Variants in ANK2 observed in about 807,000 individuals in gnomAD.
ANK2 encodes the protein ankyrin 2, also known as ankyrin-2.
Under a neutral mutation model 360.5 loss-of-function variants are expected in ANK2, and 83 were observed. That is an observed-to-expected ratio of 0.23 (90% CI 0.19 to 0.28). ANK2 has a LOEUF of 0.28. ANK2 is among the 10% of genes least tolerant of loss of function. ANK2 has a pLI of 1.00. For missense variants in ANK2, 4,201 were observed against 4,795.7 expected (o/e 0.88, Z 3.66); for synonymous variants, 1,740 against 1,759.5 (o/e 0.99, Z 0.28).
intron 18 of ANK2, among the ~76,000 whole-genome samples, chr4:113,283,325 C>T (rs2063132870): frequency 1.3e-5 from 2 of 152,166 alleles, no homozygotes; most frequent in African/African-American, 4.8e-5. Flanking sequence ...GTTCACCACC[C>T]AAGGCATTCT....
intron 1 of ANK2, among the ~76,000 whole-genome samples, chr4:112,852,488 T>C (rs2065248172): frequency 6.6e-6 from 1 of 152,236 alleles, no homozygotes; most frequent in African/African-American, 2.4e-5. Flanking sequence ...TTCCCAACAT[T>C]TCTAGTATAG....
intron 1 of ANK2, among the ~76,000 whole-genome samples, chr4:112,822,605 G>A (rs1184638739): frequency 2.6e-5 from 4 of 151,666 alleles, no homozygotes; most frequent in African/African-American, 9.7e-5. Flanking sequence ...AATTAGCTGG[G>A]GGTGGTGGCA....
intron 2 of ANK2, among the ~76,000 whole-genome samples, chr4:112,956,543 G>A (rs2095338438): frequency 6.6e-6 from 1 of 152,218 alleles, no homozygotes; most frequent in African/African-American, 2.4e-5. Flanking sequence ...GCTTCTAAGT[G>A]ACTAGTGGGC....
intron 24 of ANK2, among the ~76,000 whole-genome samples, chr4:113,314,265 A>T (rs2081616907): frequency 6.6e-6 from 1 of 152,218 alleles, no homozygotes; most frequent in Non-Finnish European, 1.5e-5. Context: ...TTCATATCTT[A>T]AAGCAAATTT....
rs924644947 is a variant in ANK2, at chr4:113,382,867, T to G, written c.*1396T>G. Reference sequence around the variant, plus strand: ...GGTTAAAATTTTTGGTTTATTTATTTGAAATCCACACTCCCTTGGAAACTC... The same window carrying G: ...GGTTAAAATTTTTGGTTTATTTATTGGAAATCCACACTCCCTTGGAAACTC... On this transcript the variant is annotated 3_prime_UTR_variant, in exon 46 of 46. Transcript: ENST00000357077. 3 of 152,378 alleles carry G rather than the reference T, an allele frequency of 2.0e-5. No individual in the cohort carries two copies. Among genetic ancestry groups the G allele is most frequent in the Non-Finnish European group, 1.5e-5 (1 of 68,044 alleles). 9.4% of individuals were successfully genotyped at this position (152,378 alleles called of 1,614,324 possible).
intron 1 of ANK2, among the ~76,000 whole-genome samples, chr4:113,159,917 T>A (rs977262586): frequency 6.6e-5 from 10 of 152,126 alleles, no homozygotes; most frequent in African/African-American, 2.4e-4. Context: ...CCACTGCACC[T>A]GGCCTATAGT....
intron 24 of ANK2, among the ~76,000 whole-genome samples, chr4:113,315,612 A>G (rs1348127554): frequency 6.6e-6 from 1 of 152,176 alleles, no homozygotes; most frequent in Non-Finnish European, 1.5e-5. Flanking sequence ...AGAGTTGCTG[A>G]TCTAGCCCGG....
At chr4:113,339,106 T>G in intron 31 of ANK2, 120 bp from the exon 32 acceptor site, 1 of 801,256 alleles carries the variant, frequency 1.2e-6, no homozygotes, top group Non-Finnish European at 2.1e-6. Flanking sequence ...TCATTTTGTT[T>G]TCAATGTGCC....
intron 1 of ANK2, among the ~76,000 whole-genome samples, chr4:113,098,428 A>G (rs28408551): frequency 0.48 from 72,763 of 151,118 alleles, 18,425 homozygotes; most frequent in African/African-American, 0.63. Flanking sequence ...AATATTATGC[A>G]CAACAACTAA....
chr4:113,280,332 C>T (rs1198868722), intron 17 of ANK2, among the ~76,000 whole-genome samples: 1 of 152,190 alleles, frequency 6.6e-6, no homozygotes, highest in Non-Finnish European at 1.5e-5. Flanking sequence ...TTTCTAGCCT[C>T]TACCTTGTAT....
intron 2 of ANK2, among the ~76,000 whole-genome samples, chr4:112,913,028 T>A (rs771293711): frequency 6.6e-6 from 1 of 152,126 alleles, no homozygotes; most frequent in African/African-American, 2.4e-5. Context: ...TGTTATAATA[T>A]GTAGATGATT....
chr4:113,046,916 A>G (rs1003652425), upstream of ANK2, among the ~76,000 whole-genome samples: 1 of 152,216 alleles, frequency 6.6e-6, no homozygotes, highest in African/African-American at 2.4e-5. Flanking sequence ...AATACGAAGT[A>G]TATTTGTTTT....
intron 1 of ANK2, among the ~76,000 whole-genome samples, chr4:112,890,398 G>A (rs955858571): frequency 1.3e-5 from 2 of 152,018 alleles, no homozygotes; most frequent in Non-Finnish European, 2.9e-5. Context: ...GAACCTACAT[G>A]TTAGGCCACC....
At chr4:113,268,498 G>A (rs547062265) in intron 14 of ANK2, among the ~76,000 whole-genome samples, 18 of 152,264 alleles carry the variant, frequency 1.2e-4, no homozygotes, top group Admixed American at 9.8e-4. Flanking sequence ...TACATCTATT[G>A]AGATTATCGT....
chr4:113,059,329 AAGTC>A (rs2071894440), intron 1 of ANK2, among the ~76,000 whole-genome samples: 1 of 152,316 alleles, frequency 6.6e-6, no homozygotes, highest in Non-Finnish European at 1.5e-5. Context: ...GTGTTCTGTG[AAGTC>A]AGTCAAATTC....
chr4:112,895,554 A>G (rs1430662284), intron 1 of ANK2, among the ~76,000 whole-genome samples: 2 of 152,158 alleles, frequency 1.3e-5, no homozygotes, highest in African/African-American at 4.8e-5. Context: ...GGAGTTAAAT[A>G]GATTTTTTTT....
At chr4:113,279,360 G>A (rs1340117823) in intron 17 of ANK2, among the ~76,000 whole-genome samples, 1 of 152,028 alleles carries the variant, frequency 6.6e-6, no homozygotes, top group Non-Finnish European at 1.5e-5. Flanking sequence ...CACTTTACAG[G>A]CAATATCTCA....
At chr4:113,305,295 C>G (rs1002009712) in intron 23 of ANK2, among the ~76,000 whole-genome samples, 30 of 143,822 alleles carry the variant, frequency 2.1e-4, no homozygotes, top group East Asian at 1.0e-3. Flanking sequence ...AGCCGAGATC[C>G]CGCCACTGCA....
chr4:112,761,309 T>C, the ANK2 span, among the ~76,000 whole-genome samples: 1 of 152,100 alleles, frequency 6.6e-6, no homozygotes, highest in Non-Finnish European at 1.5e-5. Flanking sequence ...GTGTTCTGAG[T>C]TGGTGCTCAA....
Sources: gnomAD v4.1 joint callset for allele counts (sites outside exome capture counted in the v4.1 genomes callset) on GRCh38, gnomAD v4.1.1 for gene constraint, MANE v1.5 for transcripts, NCBI Gene and HGNC (gene_info 2026-07-23, HGNC 2026-07-21) for gene names.